The following KCNH5 variants were observed in gnomAD, a reference collection of about 807,000 sequenced individuals.
KCNH5 encodes voltage-gated delayed rectifier potassium channel KCNH5.
In KCNH5, 46 loss-of-function variants were observed where a neutral mutation model predicts 96.1. That is an observed-to-expected ratio of 0.48 (90% CI 0.38 to 0.61). KCNH5 has a LOEUF of 0.61. Among genes scored for constraint, KCNH5 ranks in the 20% least tolerant of loss-of-function variants. The pLI is 0.00. For synonymous variants in KCNH5, 439 were observed against 449.8 expected, an observed-to-expected ratio of 0.98 and a Z score of 0.30; for missense variants, 907 against 1,225.8, an observed-to-expected ratio of 0.74 and a Z score of 3.88.
chr14:62,948,865 C>T (rs1272918621), intron 7 of KCNH5, among the ~76,000 whole-genome samples: 3 of 146,486 alleles, frequency 2.0e-5, no homozygotes, highest in African/African-American at 7.7e-5. Context: ...ATACGCAAAT[C>T]AATAAATGTA....
At chr14:62,951,414 A>G (rs1332442255) in intron 6 of KCNH5, among the ~76,000 whole-genome samples, 1 of 152,214 alleles carries the variant, frequency 6.6e-6, no homozygotes, top group Non-Finnish European at 1.5e-5. Flanking sequence ...TTCCTGATGC[A>G]GTTCACAAAA....
intron 10 of KCNH5, among the ~76,000 whole-genome samples, chr14:62,748,024 G>C (rs559950990): frequency 6.6e-6 from 1 of 152,174 alleles, no homozygotes; most frequent in African/African-American, 2.4e-5. Flanking sequence ...TAGCTTATAA[G>C]AGGGTGATTC....
chr14:62,975,087 G>A (rs995314806), intron 6 of KCNH5, among the ~76,000 whole-genome samples: 2 of 152,078 alleles, frequency 1.3e-5, no homozygotes, highest in South Asian at 2.1e-4. Context: ...CATGGAAACT[G>A]AGAACCAGAG....
intron 8 of KCNH5, among the ~76,000 whole-genome samples, chr14:62,825,597 A>G (rs997731218): frequency 6.6e-6 from 1 of 152,150 alleles, no homozygotes; most frequent in South Asian, 2.1e-4. Flanking sequence ...CTAAGACAGG[A>G]CCAAGAGAAA....
intron 8 of KCNH5, among the ~76,000 whole-genome samples, chr14:62,812,983 T>C (rs1159046399): frequency 1.3e-5 from 2 of 152,166 alleles, no homozygotes; most frequent in African/African-American, 2.4e-5. Flanking sequence ...TACATTATAA[T>C]TGGATATCAA....
intron 7 of KCNH5, among the ~76,000 whole-genome samples, chr14:62,914,356 T>C (rs576974355): frequency 1.3e-5 from 2 of 152,306 alleles, no homozygotes; most frequent in East Asian, 3.9e-4. Flanking sequence ...ACAAAGATTC[T>C]GTATCATCAT....
At chr14:62,739,531 A>T (rs1885228247) in intron 10 of KCNH5, among the ~76,000 whole-genome samples, 1 of 152,138 alleles carries the variant, frequency 6.6e-6, no homozygotes, top group Non-Finnish European at 1.5e-5. Flanking sequence ...CATTTGAGTC[A>T]TTTGAAAAAC....
intron 4 of KCNH5, among the ~76,000 whole-genome samples, chr14:62,997,325 A>G (rs1358021680): frequency 6.6e-6 from 1 of 151,704 alleles, no homozygotes; most frequent in Non-Finnish European, 1.5e-5. Context: ...TAAGAAAAAA[A>G]TAGTTAGAAT....
At chr14:62,967,885 A>C (rs2139552776) in intron 6 of KCNH5, among the ~76,000 whole-genome samples, 1 of 152,316 alleles carries the variant, frequency 6.6e-6, no homozygotes, top group South Asian at 2.1e-4. Flanking sequence ...ATGCTTAACA[A>C]TAGGAACAAT....
At chr14:62,830,159 C>A (rs965085182) in intron 8 of KCNH5, among the ~76,000 whole-genome samples, 1 of 152,214 alleles carries the variant, frequency 6.6e-6, no homozygotes, top group African/African-American at 2.4e-5. Flanking sequence ...AAGACCACCT[C>A]AGCCTGGATT....
intron 6 of KCNH5, among the ~76,000 whole-genome samples, chr14:62,957,461 C>G (rs1375890998): frequency 6.6e-6 from 1 of 152,192 alleles, no homozygotes; most frequent in Non-Finnish European, 1.5e-5. Flanking sequence ...TCTCACAATA[C>G]AATGTTCTGG....
At chr14:62,858,887 C>A (rs1432982516) in intron 7 of KCNH5, among the ~76,000 whole-genome samples, 1 of 152,144 alleles carries the variant, frequency 6.6e-6, no homozygotes, top group East Asian at 1.9e-4. Flanking sequence ...TTCAAAAGAC[C>A]ATTCCACCAT....
At chr14:62,852,595 T>A (rs1490597546) in intron 7 of KCNH5, among the ~76,000 whole-genome samples, 1 of 30,718 alleles carries the variant, frequency 3.3e-5, no homozygotes, top group East Asian at 1.1e-3. Flanking sequence ...ACTAGAGAGC[T>A]TTTTTTTTTT....
At chr14:62,761,481 A>G (rs1357247803) in intron 10 of KCNH5, among the ~76,000 whole-genome samples, 1 of 152,196 alleles carries the variant, frequency 6.6e-6, no homozygotes, top group African/African-American at 2.4e-5. Context: ...CACCTCAGAA[A>G]ACAGAAAAAG....
intron 10 of KCNH5, among the ~76,000 whole-genome samples, chr14:62,743,785 A>C (rs533235529): frequency 6.6e-6 from 1 of 152,164 alleles, no homozygotes; most frequent in Admixed American, 6.5e-5. Flanking sequence ...CTCCACCCCC[A>C]ATCTGGGCAG....
At chr14:62,899,627 C>T (rs982307360) in intron 7 of KCNH5, among the ~76,000 whole-genome samples, 2 of 151,662 alleles carry the variant, frequency 1.3e-5, no homozygotes, top group South Asian at 4.2e-4. Context: ...GTCAGGAGAT[C>T]GAGACCATCC....
At chr14:62,910,942 C>CACACACACACA (rs1555363114) in intron 7 of KCNH5, among the ~76,000 whole-genome samples, 1 of 63,572 alleles carries the variant, frequency 1.6e-5, no homozygotes. Context: ...CACACACACA[C>CACACACACACA]CCCTCTGTTG....
chr14:62,958,185 T>C (rs991437), intron 6 of KCNH5, among the ~76,000 whole-genome samples: 3,657 of 152,286 alleles, frequency 0.024, 85 homozygotes, highest in African/African-American at 0.069. Context: ...ATTTATCTGT[T>C]ATATTCAGAA....
chr14:62,932,915 C>T (rs1889607660), intron 7 of KCNH5, among the ~76,000 whole-genome samples: 1 of 152,130 alleles, frequency 6.6e-6, no homozygotes, highest in African/African-American at 2.4e-5. Context: ...AAATGAAAGA[C>T]ATTTTAAAAC....
Sources: gnomAD v4.1 joint callset for allele counts (sites outside exome capture counted in the v4.1 genomes callset) on GRCh38, gnomAD v4.1.1 for gene constraint, MANE v1.5 for transcripts, NCBI Gene and HGNC (gene_info 2026-07-23, HGNC 2026-07-21) for gene names.